Variants in GON4L observed in about 807,000 individuals in gnomAD.
GON4L encodes gon-4 like.
GON4L carries 87 observed loss-of-function variants against 211.8 expected under a neutral mutation model. That is an observed-to-expected ratio of 0.41 (90% CI 0.35 to 0.49). GON4L has a LOEUF of 0.49. Ranked by LOEUF, GON4L falls within the 20% of genes least tolerant of loss-of-function variation. The probability of loss-of-function intolerance (pLI) is 0.15; values close to 1 mark genes in which losing one functional copy is unlikely to be tolerated. For missense variants in GON4L, 2,155 were observed against 2,659.5 expected (o/e 0.81, Z 4.17); for synonymous variants, 875 against 962.6 (o/e 0.91, Z 1.68).
At chr1:155,782,895 G>A (rs888889186) in intron 14 of GON4L, among the ~76,000 whole-genome samples, 9 of 152,110 alleles carry the variant, frequency 5.9e-5, no homozygotes, top group African/African-American at 2.2e-4. Flanking sequence ...CTAACCTGAG[G>A]TGATCCCCCT....
chr1:155,816,858 A>C (rs1668297423), intron 6 of GON4L, among the ~76,000 whole-genome samples: 1 of 151,594 alleles, frequency 6.6e-6, no homozygotes. Context: ...CCAATAGTAC[A>C]GGAAAAAACA....
chr1:155,756,110 C>T (rs1231437529), intron 27 of GON4L, among the ~76,000 whole-genome samples: 1 of 152,084 alleles, frequency 6.6e-6, no homozygotes, highest in African/African-American at 2.4e-5. Context: ...CCTCTCTGCA[C>T]TTCAGTTATG....
intron 12 of GON4L, among the ~76,000 whole-genome samples, chr1:155,785,730 C>G (rs992185705): frequency 6.6e-6 from 1 of 152,190 alleles, no homozygotes; most frequent in African/African-American, 2.4e-5. Context: ...ATCAGCCCAA[C>G]TCGGCCTCCC....
intron 3 of GON4L, among the ~76,000 whole-genome samples, chr1:155,824,778 A>AAG: frequency 6.7e-6 from 1 of 149,676 alleles, no homozygotes; most frequent in African/African-American, 2.4e-5. Context: ...AAAAAAAAAA[A>AAG]AAGAAGAAGA....
chr1:155,777,708 T>A lies in GON4L; in HGVS notation c.2005A>T (p.Lys669Ter), dbSNP rs1447839050. 1.2e-6 allele frequency: 2 copies of A among 1,613,322 alleles called. No homozygotes were observed. Among genetic ancestry groups the A allele is most frequent in the Non-Finnish European group, 1.7e-6 (2 of 1,179,264 alleles). ...SSAKQLQEVE[K>*]VKPQSEKVHQ... ...ACTTTCTCACTCTGGGGTTTAACCT[T>A]CTCTACTTCCTGCAGCTGTTTGGCT... is the stretch of plus-strand genomic sequence containing the variant. Residue 669 changes from lysine (K) to a stop codon, truncating the protein, a stop_gained, in exon 15 of 32, where the codon AAG (lysine) becomes TAG (stop). Coordinates refer to ENST00000368331, the MANE Select transcript of GON4L (RefSeq NM_001282860.2). LOFTEE classifies it high-confidence loss of function.
downstream of GON4L, chr1:155,748,062 T>C (rs1216815578): frequency 5.6e-6 from 9 of 1,607,838 alleles, 1 homozygote; most frequent in South Asian, 8.8e-5. Flanking sequence ...CTGCCCCTTG[T>C]CCTTGGGTGG....
At chr1:155,815,036 C>G (rs1409179594) in intron 8 of GON4L, among the ~76,000 whole-genome samples, 1 of 152,012 alleles carries the variant, frequency 6.6e-6, no homozygotes, top group Non-Finnish European at 1.5e-5. Flanking sequence ...CTTGCCTGAA[C>G]CCGGGAGATG....
chr1:155,798,576 ATTTTT>A (rs34273258), intron 11 of GON4L, among the ~76,000 whole-genome samples: 7 of 89,542 alleles, frequency 7.8e-5, no homozygotes, highest in Non-Finnish European at 1.2e-4. Flanking sequence ...CGTCAGGCTA[ATTTTT>A]TTTTTTTTTT....
At chr1:155,803,000 G>C (rs1666814527) in intron 11 of GON4L, among the ~76,000 whole-genome samples, 2 of 152,114 alleles carry the variant, frequency 1.3e-5, no homozygotes, top group Admixed American at 1.3e-4. Flanking sequence ...CTAACAATGG[G>C]CCAGGCACCC....
intron 2 of GON4L, among the ~76,000 whole-genome samples, chr1:155,841,770 G>C (rs530676127): frequency 3.3e-5 from 5 of 152,324 alleles, no homozygotes; most frequent in Admixed American, 3.3e-4. Context: ...GCTCACACCT[G>C]TAATCCCAGC....
intron 8 of GON4L, 42 bp from the exon 9 acceptor site, chr1:155,814,491 C>T: frequency 6.3e-7 from 1 of 1,597,170 alleles, no homozygotes; most frequent in Non-Finnish European, 8.6e-7. Flanking sequence ...TATGCCCCTA[C>T]CTCATTCCAC....
chr1:155,746,149 GT>G (rs1660248222), downstream of GON4L: 1 of 834,020 alleles, frequency 1.2e-6, no homozygotes, highest in African/African-American at 1.8e-5. Flanking sequence ...GGGTGAGGTG[GT>G]GGCAGAGTTA....
rs749935897 is a variant in GON4L, at chr1:155,757,341, G to A, written c.5254-18C>T. The A allele has an allele frequency of 1.9e-6, 3 of 1,611,520 alleles. No homozygotes were observed. Among genetic ancestry groups the A allele is most frequent in the Middle Eastern group, 1.9e-4 (1 of 5,338 alleles). ...GTCTTGAGCTGAGGAGAGTCACAGA[G>A]GGAAAGAGGAAGTCTCCAGAGCCTC... On this transcript the variant is annotated intron_variant, in intron 25 of 31. Transcript: ENST00000368331.
rs1660820003 is a variant in GON4L at position 155,753,378 on chromosome 1, G to T, written c.5668C>A (p.His1890Asn). The T allele has an allele frequency of 6.2e-7, 1 of 1,613,564 alleles. No individual in the cohort carries two copies. The highest frequency in any genetic ancestry group is 8.5e-7 in the Non-Finnish European group (1 of 1,179,780). Reference protein sequence around the residue: ...DSKSYKSKEPHELVGSSPHRE... With the variant: ...DSKSYKSKEPNELVGSSPHRE... ...TGGGGGCTGCTGCCCACCAACTCATGGGGCTCCTTGCTCTTGTAGGATTTG... is the reference window on the plus strand; with the variant it reads ...TGGGGGCTGCTGCCCACCAACTCATTGGGCTCCTTGCTCTTGTAGGATTTG... The change falls in exon 29 of 32, where the codon CAT (histidine) becomes AAT (asparagine). Residue 1890 changes from histidine to asparagine, a missense_variant. By Grantham distance (68) the His-to-Asn change is moderately conservative. Transcript: ENST00000368331.
chr1:155,838,347 T>C (rs889425182), intron 2 of GON4L, among the ~76,000 whole-genome samples: 1 of 152,236 alleles, frequency 6.6e-6, no homozygotes, highest in Admixed American at 6.5e-5. Context: ...GTTGGCTCAA[T>C]GAAAATAGCT....
chr1:155,825,980 T>C (rs961897616), intron 3 of GON4L, among the ~76,000 whole-genome samples: 3 of 151,406 alleles, frequency 2.0e-5, no homozygotes, highest in African/African-American at 4.9e-5. Context: ...GAGGCGGAGG[T>C]TGCAGTGACC....
intron 24 of GON4L, 55 bp downstream of exon 24, chr1:155,760,389 C>G: frequency 9.1e-7 from 1 of 1,096,690 alleles, no homozygotes; most frequent in Non-Finnish European, 1.4e-6. Flanking sequence ...CCATTCAATC[C>G]CAGTCTCACT....
intron 11 of GON4L, among the ~76,000 whole-genome samples, chr1:155,795,810 G>C (rs1203184919): frequency 2.6e-5 from 4 of 152,040 alleles, no homozygotes; most frequent in Middle Eastern, 3.2e-3. Flanking sequence ...ACTAATTTTT[G>C]TATTTTTAGT....
chr1:155,825,663 G>A (rs1669136344), intron 3 of GON4L, among the ~76,000 whole-genome samples: 1 of 152,044 alleles, frequency 6.6e-6, no homozygotes, highest in African/African-American at 2.4e-5. Flanking sequence ...TTGGGAGGCT[G>A]AGGCAAGAGG....
Sources: allele counts gnomAD v4.1 joint callset (sites outside exome capture counted in the v4.1 genomes callset), GRCh38; gene constraint gnomAD v4.1.1; transcripts MANE v1.5; gene names NCBI Gene and HGNC (gene_info 2026-07-23, HGNC 2026-07-21).